The following FNDC1 variants were observed in gnomAD, a reference collection of about 807,000 sequenced individuals.
FNDC1 encodes fibronectin type III domain-containing protein 1.
Under a neutral mutation model 168.0 loss-of-function variants are expected in FNDC1, and 96 were observed. The observed-to-expected ratio is 0.57, with a 90% CI of 0.48 to 0.68. The LOEUF (loss-of-function observed/expected upper bound fraction) is 0.68. Among genes scored for constraint, FNDC1 ranks in the 30% least tolerant of loss-of-function variants. The pLI, the probability that FNDC1 is intolerant of heterozygous loss-of-function variation, is 0.00. For missense variants in FNDC1, 2,587 were observed against 2,482.1 expected, an observed-to-expected ratio of 1.04 and a Z score of -0.90; for synonymous variants, 1,099 against 1,025.9, an observed-to-expected ratio of 1.07 and a Z score of -1.36.
chr6:159,178,826 G>A (rs1025392752), intron 1 of FNDC1, among the ~76,000 whole-genome samples: 3 of 151,378 alleles, frequency 2.0e-5, no homozygotes, highest in African/African-American at 7.3e-5. Context: ...CCTGGTCCAA[G>A]CCGTATTACC....
At chr6:159,216,972 C>T (rs952775486) in intron 5 of FNDC1, among the ~76,000 whole-genome samples, 3 of 152,254 alleles carry the variant, frequency 2.0e-5, no homozygotes, top group African/African-American at 7.2e-5. Flanking sequence ...CTGGTCTCTT[C>T]CCTTGCCTGT....
chr6:159,270,859 T>C (rs909778244), intron 22 of FNDC1, among the ~76,000 whole-genome samples: 4 of 152,236 alleles, frequency 2.6e-5, no homozygotes, highest in Non-Finnish European at 5.9e-5. Context: ...GCCTGCCCAG[T>C]AGTGAGTGCT....
In FNDC1 at chr6:159,169,765, G is replaced by A; in HGVS notation, c.109+60G>A. The A allele has an allele frequency of 1.5e-6, 1 of 651,926 alleles. No individual in the cohort carries two copies. Among genetic ancestry groups the A allele is most frequent in the Non-Finnish European group, 2.0e-6 (1 of 488,414 alleles). 40.4% of individuals were successfully genotyped at this position (651,926 alleles called of 1,614,324 possible). ...GCTCCCCGCGCACCCTCCTGCGCTCGGGCCCCGTCGTCCCGCTCAGTGCTG... is the reference window on the plus strand; with the variant it reads ...GCTCCCCGCGCACCCTCCTGCGCTCAGGCCCCGTCGTCCCGCTCAGTGCTG... On this transcript the variant is annotated intron_variant, in intron 1 of 22. Coordinates refer to ENST00000297267, the MANE Select transcript of FNDC1 (RefSeq NM_032532.3). This position sits in a 1 kb window ranked among gnomAD's most constrained non-coding sequence, Gnocchi z 6.8.
At chr6:159,200,605 G>C (rs755130039) in intron 4 of FNDC1, 24 bp downstream of exon 4, 1 of 1,553,846 alleles carries the variant, frequency 6.4e-7, no homozygotes, top group Non-Finnish European at 8.8e-7. Context: ...CTTCATGTCA[G>C]ATTCATGTTT....
At chr6:159,178,443 C>G (rs903446481) in intron 1 of FNDC1, among the ~76,000 whole-genome samples, 3 of 152,128 alleles carry the variant, frequency 2.0e-5, no homozygotes, top group African/African-American at 4.8e-5. Context: ...TACCCTCCAC[C>G]TAGTTTCCCC....
At chr6:159,265,963 C>T in intron 20 of FNDC1, 121 bp from the exon 21 acceptor site, 1 of 1,030,842 alleles carries the variant, frequency 9.7e-7, no homozygotes, top group Non-Finnish European at 1.4e-6. Context: ...AACAAACAAA[C>T]AAACAAAAAG....
chr6:159,212,804 G>C (rs1782633814), intron 4 of FNDC1, among the ~76,000 whole-genome samples: 1 of 152,214 alleles, frequency 6.6e-6, no homozygotes, highest in Non-Finnish European at 1.5e-5. Context: ...CAAATCCCTT[G>C]TTTCACATTC....
intron 1 of FNDC1, among the ~76,000 whole-genome samples, chr6:159,186,453 A>G (rs1782001777): frequency 6.6e-6 from 1 of 152,228 alleles, no homozygotes; most frequent in Non-Finnish European, 1.5e-5. Context: ...GTGCAGGTGA[A>G]CTTGGCTGGA....
intron 5 of FNDC1, among the ~76,000 whole-genome samples, chr6:159,215,591 C>G (rs1024025003): frequency 6.6e-6 from 1 of 152,162 alleles, no homozygotes; most frequent in Non-Finnish European, 1.5e-5. Context: ...TCTAGAGGGA[C>G]AGAACTAATG....
rs146828108 is a variant in FNDC1 at position 159,184,502 on chromosome 6, G to A, written c.110-12929G>A. Among the ~76,000 whole-genome samples the A allele has an allele frequency of 2.0e-5, 3 of 152,256 alleles. No individual in the cohort carries two copies. The East Asian group carries it at 5.8e-4, about 29-fold the overall frequency. On this transcript the variant is annotated intron_variant, in intron 1 of 22. Coordinates refer to ENST00000297267, the MANE Select transcript of FNDC1 (RefSeq NM_032532.3). ...GAAATGTTTTAAAAATGGCTCATTA[G>A]CAAGTGGGGTTGTCACTGGGCCTAT...
rs1783105141 is a variant in FNDC1, at chr6:159,232,319, T to C, written c.1807T>C (p.Ser603Pro). ...GGAAGGCGTAGATAAGCCTGGCTTT[T>C]CCCTGGCCACGCAGCCCCGCCCAGG... ...RREGVDKPGF[S>P]LATQPRPGAP... is the part of the protein sequence containing the mutation. The change falls in exon 11 of 23, where the codon TCC becomes CCC. Residue 603 changes from serine (S) to proline (P), a missense_variant. Coordinates refer to ENST00000297267, the MANE Select transcript of FNDC1 (RefSeq NM_032532.3). This position sits in a 1 kb window ranked among gnomAD's most constrained non-coding sequence, Gnocchi z 4.9. 6.2e-7 allele frequency: 1 copy of C among 1,613,194 alleles called. No homozygotes were observed. Among genetic ancestry groups the C allele is most frequent in the South Asian group, 1.1e-5 (1 of 90,968 alleles).
At chr6:159,223,285 C>T (rs1026849541) in intron 6 of FNDC1, among the ~76,000 whole-genome samples, 2 of 152,164 alleles carry the variant, frequency 1.3e-5, no homozygotes, top group African/African-American at 4.8e-5. Flanking sequence ...CGTGAACCAC[C>T]ACACCTGGCC....
intron 2 of FNDC1, 127 bp downstream of exon 2, chr6:159,197,752 T>G: frequency 1.2e-6 from 1 of 817,710 alleles, no homozygotes; most frequent in Non-Finnish European, 1.8e-6. Flanking sequence ...TCTTTGGGAA[T>G]GGAGAGCTGA....
rs778953951 is a variant in FNDC1 at position 159,197,565 on chromosome 6, A to G, written c.244A>G (p.Lys82Glu). The change falls in exon 2 of 23, where the codon AAA (lysine) becomes GAA (glutamate). Residue 82 changes from lysine (K) to glutamate (E), a missense_variant. By Grantham distance (56) the Lys-to-Glu change is moderately conservative. Transcript: ENST00000297267. ...HYNIAYGKSL[K>E]SLKYIKVNAE... The stretch of plus-strand genomic sequence containing the variant: ...CAACATTGCCTATGGGAAGTCACTG[A>G]AAAGTCTTAAATACATCAAGGTGAA... The G allele has an allele frequency of 3.1e-6, 5 of 1,613,984 alleles. No individual in the cohort carries two copies. In the South Asian group the frequency reaches 5.5e-5, roughly 18 times the overall value.
At chr6:159,220,048 G>A (rs1273505374) in intron 5 of FNDC1, among the ~76,000 whole-genome samples, 1 of 152,114 alleles carries the variant, frequency 6.6e-6, no homozygotes, top group Non-Finnish European at 1.5e-5. Flanking sequence ...AAAATCTTCT[G>A]GTAGAATAAG....
At chr6:159,268,571 C>T (rs1244597103) in intron 22 of FNDC1, among the ~76,000 whole-genome samples, 1 of 152,100 alleles carries the variant, frequency 6.6e-6, no homozygotes, top group Non-Finnish European at 1.5e-5. Flanking sequence ...ATCTATCCAC[C>T]CATCCATCTA....
intron 18 of FNDC1, among the ~76,000 whole-genome samples, chr6:159,259,775 G>A (rs1177912076): frequency 6.6e-6 from 1 of 152,154 alleles, no homozygotes; most frequent in Admixed American, 6.5e-5. Context: ...GTTCTTAATT[G>A]TGCATATCTT....
intron 14 of FNDC1, among the ~76,000 whole-genome samples, chr6:159,243,703 C>T (rs1164235930): frequency 6.6e-6 from 1 of 152,016 alleles, no homozygotes; most frequent in Non-Finnish European, 1.5e-5. Flanking sequence ...AAATGACATT[C>T]AGGTGGGCCA....
chr6:159,184,426 T>C (rs529160229), intron 1 of FNDC1, among the ~76,000 whole-genome samples: 1 of 152,242 alleles, frequency 6.6e-6, no homozygotes, highest in East Asian at 1.9e-4. Context: ...CCCCTTTTTA[T>C]TGATAATTTA....
Sources: gnomAD v4.1 joint callset for allele counts (sites outside exome capture counted in the v4.1 genomes callset) on GRCh38, gnomAD v4.1.1 for gene constraint, Gnocchi (gnomAD v3.1) non-coding constraint, MANE v1.5 for transcripts, NCBI Gene and HGNC (gene_info 2026-07-23, HGNC 2026-07-21) for gene names.